The following ANXA8 variants were observed in gnomAD, a reference collection of about 807,000 sequenced individuals.
The protein encoded by ANXA8 is annexin A8.
In ANXA8, 9 loss-of-function variants were observed where a neutral mutation model predicts 26.8. The ratio of observed to expected loss-of-function variants is 0.34; its 90% CI spans 0.20 to 0.59. The LOEUF is 0.59. Ranked by LOEUF, ANXA8 falls within the 20% of genes least tolerant of loss-of-function variation. The pLI, the probability that ANXA8 is intolerant of heterozygous loss-of-function variation, is 0.84. For synonymous variants in ANXA8, 39 were observed against 94.8 expected, an observed-to-expected ratio of 0.41 and a Z score of 3.42; for missense variants, 83 against 238.5, an observed-to-expected ratio of 0.35 and a Z score of 4.29.
chr10:47,508,858 A>G, the ANXA8 span, among the ~76,000 whole-genome samples: 1 of 113,088 alleles, frequency 8.8e-6, no homozygotes, highest in South Asian at 2.8e-4. Flanking sequence ...AGATACATGT[A>G]TTTGCAGACT....
chr10:47,693,898 T>C, the ANXA8 span, among the ~76,000 whole-genome samples: 1 of 152,052 alleles, frequency 6.6e-6, no homozygotes, highest in Non-Finnish European at 1.5e-5. Flanking sequence ...TGATTTAGTA[T>C]GAGCTTATGT....
At chr10:47,603,488 C>G in the ANXA8 span, among the ~76,000 whole-genome samples, 2 of 147,288 alleles carry the variant, frequency 1.4e-5, no homozygotes, top group Non-Finnish European at 2.9e-5. Context: ...GTTTATATTT[C>G]ATTCACGTTA....
chr10:47,745,012 G>C, the ANXA8 span, among the ~76,000 whole-genome samples: 1 of 151,804 alleles, frequency 6.6e-6, no homozygotes, highest in South Asian at 2.1e-4. Flanking sequence ...CCCAAGCCTG[G>C]CCCAGGCTTG....
the ANXA8 span, chr10:47,986,593 G>A: frequency 2.8e-6 from 1 of 359,398 alleles, no homozygotes; most frequent in Non-Finnish European, 5.5e-6. Context: ...GGCCAGTGCA[G>A]TTGAAGTGGC....
chr10:47,986,728 G>C, the ANXA8 span: 53 of 354,800 alleles, frequency 1.5e-4, no homozygotes, highest in East Asian at 2.1e-3. Flanking sequence ...CAGGTTCTCC[G>C]GCAAGGCCCC....
At chr10:47,665,864 A>G in the ANXA8 span, among the ~76,000 whole-genome samples, 2 of 151,806 alleles carry the variant, frequency 1.3e-5, no homozygotes, top group East Asian at 3.8e-4. Context: ...AACAAAGTAT[A>G]ACTCAATTTG....
the ANXA8 span, among the ~76,000 whole-genome samples, chr10:47,666,356 C>T: frequency 6.6e-6 from 1 of 150,612 alleles, no homozygotes; most frequent in Non-Finnish European, 1.5e-5. Context: ...TTAGAAAAAA[C>T]ACAACTGTGT....
the ANXA8 span, among the ~76,000 whole-genome samples, chr10:47,570,760 A>G: frequency 2.0e-5 from 3 of 150,646 alleles, 1 homozygote; most frequent in African/African-American, 7.4e-5. Flanking sequence ...GTGACAAAAC[A>G]AGACCACATC....
chr10:47,942,720 G>A, the ANXA8 span, among the ~76,000 whole-genome samples: 1 of 142,556 alleles, frequency 7.0e-6, no homozygotes, highest in Admixed American at 7.0e-5. Flanking sequence ...CTGTCTGAAC[G>A]GTCTGTTATC....
chr10:47,684,269 TC>T, the ANXA8 span, among the ~76,000 whole-genome samples: 2 of 152,226 alleles, frequency 1.3e-5, no homozygotes, highest in Non-Finnish European at 2.9e-5. Context: ...ATATTTTGTT[TC>T]CCCCTGCCCT....
At chr10:47,485,729 T>C (rs1840027723), upstream of ANXA8, among the ~76,000 whole-genome samples, 1 of 152,004 alleles carries the variant, frequency 6.6e-6, no homozygotes, top group Non-Finnish European at 1.5e-5. Flanking sequence ...TCTATGATAC[T>C]GACTTGCTCA....
chr10:47,544,409 GT>G, the ANXA8 span: 14 of 393,984 alleles, frequency 3.6e-5, no homozygotes, highest in Non-Finnish European at 5.7e-5. Context: ...GGATATAAGG[GT>G]GAAAAGTTTG....
the ANXA8 span, among the ~76,000 whole-genome samples, chr10:47,644,403 T>C: frequency 1.3e-5 from 2 of 152,048 alleles, no homozygotes; most frequent in East Asian, 3.9e-4. Context: ...ATACAACTGT[T>C]CAACTCTGCT....
At chr10:47,587,308 C>G in the ANXA8 span, among the ~76,000 whole-genome samples, 6 of 149,024 alleles carry the variant, frequency 4.0e-5, no homozygotes, top group South Asian at 8.3e-4. Context: ...CATTTTCTCA[C>G]GATTTATAAA....
At chr10:47,485,717 C>T (rs1447339126), upstream of ANXA8, among the ~76,000 whole-genome samples, 2 of 151,842 alleles carry the variant, frequency 1.3e-5, no homozygotes, top group Admixed American at 1.3e-4. Flanking sequence ...ATATGTTTAA[C>T]CTCTATGATA....
At chr10:47,556,024 T>C in the ANXA8 span, among the ~76,000 whole-genome samples, 2 of 151,818 alleles carry the variant, frequency 1.3e-5, no homozygotes, top group African/African-American at 2.4e-5. Context: ...ATTTACAGGA[T>C]GGAGAGAAGA....
At chr10:47,691,705 G>T in the ANXA8 span, among the ~76,000 whole-genome samples, 13 of 149,994 alleles carry the variant, frequency 8.7e-5, 1 homozygote, top group Non-Finnish European at 1.9e-4. Context: ...GCTGCAGTGA[G>T]CTTTGATTGG....
At chr10:47,707,688 C>T in the ANXA8 span, among the ~76,000 whole-genome samples, 1 of 124,926 alleles carries the variant, frequency 8.0e-6, no homozygotes, top group East Asian at 3.8e-4. Flanking sequence ...CTCCCAGCCC[C>T]AGAACAACTA....
chr10:47,488,713 ATTTTTTTTT>A (rs1160121365), upstream of ANXA8, among the ~76,000 whole-genome samples: 12 of 62,118 alleles, frequency 1.9e-4, no homozygotes, highest in East Asian at 6.6e-4. Flanking sequence ...TACATGTTAA[ATTTTTTTTT>A]TTTTTTTTTT....
Sources: gnomAD v4.1 joint callset for allele counts (sites outside exome capture counted in the v4.1 genomes callset) on GRCh38, gnomAD v4.1.1 for gene constraint, MANE v1.5 for transcripts, NCBI Gene and HGNC (gene_info 2026-07-23, HGNC 2026-07-21) for gene names.